Variants in VSNL1 observed in about 807,000 individuals in gnomAD.
VSNL1 encodes the protein visinin like 1, also known as visinin-like protein 1.
A neutral mutation model predicts 20.4 loss-of-function variants in VSNL1; 6 were observed. The observed-to-expected ratio is 0.29, with a 90% CI of 0.16 to 0.58. The LOEUF (loss-of-function observed/expected upper bound fraction) is 0.58, where lower values mean the gene tolerates loss of function less well. Among genes scored for constraint, VSNL1 ranks in the 20% least tolerant of loss-of-function variants. The pLI is 0.90. For synonymous variants in VSNL1, 93 were observed against 86.4 expected, an observed-to-expected ratio of 1.08 and a Z score of -0.42; for missense variants, 100 against 234.5, an observed-to-expected ratio of 0.43 and a Z score of 3.75.
chr2:17,590,361 C>A (rs192833036), intron 1 of VSNL1, among the ~76,000 whole-genome samples: 143 of 152,284 alleles, frequency 9.4e-4, no homozygotes, highest in African/African-American at 3.2e-3. Flanking sequence ...AAACCTGACA[C>A]CTGAGTACCC....
chr2:17,579,113 T>C (rs973310258), intron 1 of VSNL1, among the ~76,000 whole-genome samples: 2 of 151,414 alleles, frequency 1.3e-5, no homozygotes, highest in South Asian at 2.1e-4. Context: ...TCTTTCTTTC[T>C]TTTTTTTTAT....
At chr2:17,645,187 G>A (rs1246108123) in intron 2 of VSNL1, among the ~76,000 whole-genome samples, 1 of 152,266 alleles carries the variant, frequency 6.6e-6, no homozygotes, top group East Asian at 1.9e-4. Flanking sequence ...TGGGCCTTGG[G>A]CAGAGCCCTG....
chr2:17,638,505 C>T (rs1665809059), intron 2 of VSNL1, among the ~76,000 whole-genome samples: 1 of 152,186 alleles, frequency 6.6e-6, no homozygotes, highest in East Asian at 1.9e-4. Context: ...TTGAATCCCT[C>T]TCCCAGCATC....
At chr2:17,620,238 A>C (rs1665325798) in intron 2 of VSNL1, among the ~76,000 whole-genome samples, 1 of 152,240 alleles carries the variant, frequency 6.6e-6, no homozygotes, top group Non-Finnish European at 1.5e-5. Flanking sequence ...TGGAGACGTG[A>C]GCCAGGCCCT....
At chr2:17,628,752 G>A (rs562873734) in intron 2 of VSNL1, among the ~76,000 whole-genome samples, 6 of 152,226 alleles carry the variant, frequency 3.9e-5, no homozygotes, top group Admixed American at 1.3e-4. Flanking sequence ...GGGCCACAGG[G>A]AGGCTGGGTC....
chr2:17,653,468 A>G (rs1666163583), intron 3 of VSNL1, among the ~76,000 whole-genome samples: 2 of 152,220 alleles, frequency 1.3e-5, no homozygotes, highest in African/African-American at 4.8e-5. Context: ...TCCAGACAGT[A>G]CACATTCCGT....
chr2:17,622,584 G>GAAAGAAAGAAAGA (rs2103404315), intron 2 of VSNL1, among the ~76,000 whole-genome samples: 3 of 128,014 alleles, frequency 2.3e-5, no homozygotes, highest in African/African-American at 8.6e-5. Flanking sequence ...AAGAAAGAAA[G>GAAAGAAAGAAAGA]AAAGAAAGAA....
intron 1 of VSNL1, among the ~76,000 whole-genome samples, chr2:17,557,257 TC>T (rs1558280979): frequency 6.6e-6 from 1 of 152,228 alleles, no homozygotes; most frequent in Non-Finnish European, 1.5e-5. Flanking sequence ...CTCTTTTTAC[TC>T]ACTTCACCTT....
chr2:17,592,640 C>CTTTTTTTTTTTTT lies in VSNL1; in HGVS notation c.162+431_162+443dup, dbSNP rs55756596. Among the ~76,000 whole-genome samples, 22 of 70,852 alleles carry CTTTTTTTTTTTTT rather than the reference C, an allele frequency of 3.1e-4. 1 individual carries two copies. The highest frequency in any genetic ancestry group is 1.0e-3 in the African/African-American group (21 of 20,346). The allele number at this position is 70,852 out of a possible 152,430, so 46.5% of individuals were successfully genotyped here. A position where few individuals can be genotyped will look rare whatever the true frequency, so the allele number is the denominator to read the frequency against. On this transcript the variant is annotated intron_variant, in intron 2 of 3. Coordinates refer to ENST00000295156, the MANE Select transcript of VSNL1 (RefSeq NM_003385.5). The stretch of plus-strand genomic sequence containing the variant: ...AAGAGGGCTTTTTCTCTCTCTCTCT[C>CTTTTTTTTTTTTT]TTTTTTTTTTTTTTTTTTTTTTTTT...
chr2:17,608,866 T>C (rs62132146), intron 2 of VSNL1, among the ~76,000 whole-genome samples: 8,238 of 152,312 alleles, frequency 0.054, 258 homozygotes, highest in East Asian at 0.092. Context: ...GTTTATCATT[T>C]GAAGGGATGA....
At chr2:17,651,621 CTG>C (rs1666124140) in intron 3 of VSNL1, among the ~76,000 whole-genome samples, 1 of 152,220 alleles carries the variant, frequency 6.6e-6, no homozygotes, top group African/African-American at 2.4e-5. Context: ...TGAGACCTGA[CTG>C]TGAGGGCTGG....
At chr2:17,559,460 A>G (rs1364784396) in intron 1 of VSNL1, among the ~76,000 whole-genome samples, 1 of 151,806 alleles carries the variant, frequency 6.6e-6, no homozygotes, top group Admixed American at 6.6e-5. Context: ...GTTCTAATCA[A>G]CTATGTCTTT....
chr2:17,592,747 G>C (rs1664624789), intron 2 of VSNL1, among the ~76,000 whole-genome samples: 1 of 147,000 alleles, frequency 6.8e-6, no homozygotes, highest in African/African-American at 2.5e-5. Flanking sequence ...TAGAAAAGGG[G>C]TGGGGGAGTG....
At chr2:17,598,166 G>A (rs537442042) in intron 2 of VSNL1, among the ~76,000 whole-genome samples, 1 of 152,206 alleles carries the variant, frequency 6.6e-6, no homozygotes, top group South Asian at 2.1e-4. Context: ...CTTCTAAATT[G>A]TGCCCCTGGG....
At chr2:17,547,325 T>C (rs1465798818) in intron 1 of VSNL1, among the ~76,000 whole-genome samples, 2 of 152,076 alleles carry the variant, frequency 1.3e-5, no homozygotes, top group Non-Finnish European at 2.9e-5. Context: ...CAATAAATAA[T>C]AGTTATCCTT....
intron 2 of VSNL1, among the ~76,000 whole-genome samples, chr2:17,647,328 T>A (rs970183094): frequency 1.3e-5 from 2 of 152,092 alleles, no homozygotes; most frequent in Admixed American, 1.3e-4. Flanking sequence ...CACATAGAAA[T>A]GCTGGCGGGT....
chr2:17,644,970 T>G (rs779934004), intron 2 of VSNL1, among the ~76,000 whole-genome samples: 1 of 152,240 alleles, frequency 6.6e-6, no homozygotes, highest in Admixed American at 6.5e-5. Flanking sequence ...GAAACAAAAC[T>G]GACCCAAGTG....
chr2:17,615,695 G>A (rs1422311547), intron 2 of VSNL1, among the ~76,000 whole-genome samples: 1 of 152,126 alleles, frequency 6.6e-6, no homozygotes, highest in East Asian at 1.9e-4. Context: ...AGATTCTCTT[G>A]GTCTCTCCCT....
intron 1 of VSNL1, among the ~76,000 whole-genome samples, chr2:17,588,699 A>G (rs901125496): frequency 3.9e-5 from 6 of 152,202 alleles, no homozygotes; most frequent in African/African-American, 1.4e-4. Context: ...CCCACCTGCA[A>G]GGTATTCAAT....
Sources: allele counts gnomAD v4.1 joint callset (sites outside exome capture counted in the v4.1 genomes callset), GRCh38; gene constraint gnomAD v4.1.1; transcripts MANE v1.5; gene names NCBI Gene and HGNC (gene_info 2026-07-23, HGNC 2026-07-21).